Variants in TASL observed in about 807,000 individuals in gnomAD.
TASL encodes TLR adapter interacting with SLC15A4 on the lysosome.
In TASL, 6 loss-of-function variants were observed where a neutral mutation model predicts 12.9. The observed-to-expected ratio is 0.46, with a 90% CI of 0.25 to 0.92. The LOEUF (loss-of-function observed/expected upper bound fraction) is 0.92, where lower values mean the gene tolerates loss of function less well. TASL is among the 40% of genes least tolerant of loss of function. The pLI, the probability that TASL is intolerant of heterozygous loss-of-function variation, is 0.17. For synonymous variants in TASL, 85 were observed against 79.3 expected (o/e 1.07, Z -0.38); for missense variants, 165 against 212.8 (o/e 0.78, Z 1.40).
At chrX:30,576,569 G>GA (rs200475108) in intron 2 of TASL, among the ~76,000 whole-genome samples, 183 bp downstream of exon 2, 27 of 110,893 alleles carry the variant, frequency 2.4e-4, no homozygotes, top group African/African-American at 8.5e-4. Context: ...TTGGGAGGGG[G>GA]AAAAAACCAT....
chrX:30,571,270 G>GAAAGAAAGAAAGAA (rs1569306090), intron 2 of TASL, among the ~76,000 whole-genome samples: 2,479 of 48,453 alleles, frequency 0.051, 138 homozygotes, highest in East Asian at 0.16. Flanking sequence ...AAGAAAGAAA[G>GAAAGAAAGAAAGAA]AAAGAAAGAA....
At chrX:30,563,680 C>T (rs1255607138) in intron 2 of TASL, among the ~76,000 whole-genome samples, 1 of 111,510 alleles carries the variant, frequency 9.0e-6, no homozygotes, top group Non-Finnish European at 1.9e-5. Flanking sequence ...TAGGGAATAC[C>T]AGTTGAGGGT....
chrX:30,572,665 A>T (rs942705395), intron 2 of TASL, among the ~76,000 whole-genome samples: 17 of 112,323 alleles, frequency 1.5e-4, no homozygotes, highest in Admixed American at 1.5e-3. Context: ...GTGGAGTCAA[A>T]GAGAAAACCT....
At chrX:30,565,715 C>G (rs1313910911) in intron 2 of TASL, among the ~76,000 whole-genome samples, 1 of 112,156 alleles carries the variant, frequency 8.9e-6, no homozygotes, top group African/African-American at 3.2e-5. Context: ...AAGGTGATAA[C>G]ATAAAATTTT....
rs752806961 is a variant in TASL at position 30,560,360 on chromosome X, G to A, written c.-1-4C>T. 8.7e-7 allele frequency: 1 copy of A among 1,144,881 alleles called. No homozygotes were observed. The highest frequency in any genetic ancestry group is 1.2e-6 in the Non-Finnish European group (1 of 855,095). The allele number at this position is 1,144,881 out of a possible 1,213,427, so 94.4% of individuals were successfully genotyped here. ...GAGATACCCTTCTGACAGCATTCTGGAAAGAGAATTGATGAGTAAGAATGG... is the reference window on the plus strand; with the variant it reads ...GAGATACCCTTCTGACAGCATTCTGAAAAGAGAATTGATGAGTAAGAATGG... On this transcript the variant is annotated splice_polypyrimidine_tract_variant and splice_region_variant and intron_variant, in intron 2 of 2. Coordinates refer to ENST00000378962, the MANE Select transcript of TASL (RefSeq NM_025159.3).
intron 2 of TASL, among the ~76,000 whole-genome samples, chrX:30,571,635 AGG>A (rs754363953): frequency 2.4e-4 from 3 of 12,740 alleles, no homozygotes; most frequent in Non-Finnish European, 3.7e-4. Flanking sequence ...CTCAAAAAAA[AGG>A]GGGGGGGGGC....
chrX:30,564,554 C>T (rs932565634), intron 2 of TASL, among the ~76,000 whole-genome samples: 4 of 111,818 alleles, frequency 3.6e-5, no homozygotes, highest in African/African-American at 9.8e-5. Context: ...GACTTCTCAA[C>T]AGCAACATAA....
chrX:30,572,237 T>G lies in TASL; in HGVS notation c.-2+4515A>C, dbSNP rs187414000. On this transcript the variant is annotated intron_variant, in intron 2 of 2. Coordinates refer to ENST00000378962, the MANE Select transcript of TASL (RefSeq NM_025159.3). ...TGCAGTGCCTTGTTAAATCATTTAC[T>G]TGCTTTTCAGAAGAAACTGCAATGT... is the stretch of plus-strand genomic sequence containing the variant. Among the ~76,000 whole-genome samples, 26 of 112,169 alleles carry G rather than the reference T, an allele frequency of 2.3e-4. No individual in the cohort carries two copies. The South Asian group carries it at 2.5e-3, about 11-fold the overall frequency.
At chrX:30,577,231 T>C (rs964070958) in intron 1 of TASL, among the ~76,000 whole-genome samples, 5 of 112,435 alleles carry the variant, frequency 4.4e-5, no homozygotes, top group African/African-American at 1.3e-4. Flanking sequence ...TCAAGAGCTG[T>C]GTTGTCCCTG....
At chrX:30,574,064 C>T (rs148105506) in intron 2 of TASL, among the ~76,000 whole-genome samples, 2 of 111,725 alleles carry the variant, frequency 1.8e-5, no homozygotes, top group African/African-American at 6.5e-5. Flanking sequence ...CTCATCTCAT[C>T]TCTGCCTGTT....
intron 2 of TASL, among the ~76,000 whole-genome samples, chrX:30,563,503 G>C (rs1930458259): frequency 8.9e-6 from 1 of 111,882 alleles, no homozygotes; most frequent in Non-Finnish European, 1.9e-5. Context: ...TGAGAGTAAA[G>C]GGGATATACC....
chrX:30,564,314 G>C (rs1930467234), intron 2 of TASL, among the ~76,000 whole-genome samples: 1 of 111,520 alleles, frequency 9.0e-6, no homozygotes, highest in African/African-American at 3.3e-5. Context: ...CTGAATAATA[G>C]GAGGTTCAGA....
At chrX:30,574,899 C>A (rs953945860) in intron 2 of TASL, among the ~76,000 whole-genome samples, 1 of 111,851 alleles carries the variant, frequency 8.9e-6, no homozygotes, top group Non-Finnish European at 1.9e-5. Flanking sequence ...ATTACCAGAT[C>A]AAAGCTATTG....
chrX:30,563,143 GA>G (rs902597373), intron 2 of TASL, among the ~76,000 whole-genome samples: 5 of 111,386 alleles, frequency 4.5e-5, no homozygotes, highest in Non-Finnish European at 7.5e-5. Flanking sequence ...GGACCATGTG[GA>G]GATCATTGAA....
Position 30,560,052 on chromosome X carries a change from T to C in TASL, c.304A>G (p.Ile102Val). 8.3e-7 allele frequency: 1 copy of C among 1,211,770 alleles called. No homozygotes were observed. Among genetic ancestry groups the C allele is most frequent in the East Asian group, 3.0e-5 (1 of 33,858 alleles). Residue 102 changes from isoleucine (I) to valine (V), a missense_variant, in exon 3 of 3, where the codon ATA (isoleucine) becomes GTA (valine). Ile to Val is a conservative substitution (Grantham distance 29). Transcript: ENST00000378962. ...FESPNLAAVEICRDASRETYL... is the reference protein window; with the variant it reads ...FESPNLAAVEVCRDASRETYL... ...GTCTCTCTGCTGGCATCTCTACATA[T>C]TTCAACTGCAGCCAAGTTTGGGCTT...
intron 2 of TASL, among the ~76,000 whole-genome samples, chrX:30,572,905 T>A (rs185605722): frequency 9.0e-5 from 10 of 111,632 alleles, no homozygotes; most frequent in Admixed American, 8.6e-4. Context: ...GCCAATTTGG[T>A]CCTGGGCTGT....
intron 2 of TASL, among the ~76,000 whole-genome samples, chrX:30,570,764 C>A (rs1026018909): frequency 2.7e-5 from 3 of 112,150 alleles, no homozygotes; most frequent in Non-Finnish European, 5.6e-5. Context: ...TAAAGCTATG[C>A]AGAGTAATAA....
At chrX:30,563,880 G>T (rs908361619) in intron 2 of TASL, among the ~76,000 whole-genome samples, 1 of 111,597 alleles carries the variant, frequency 9.0e-6, no homozygotes, top group African/African-American at 3.3e-5. Context: ...TGACATCAGA[G>T]GTTCCCCAAC....
In TASL at chrX:30,559,584, T is replaced by C; in HGVS notation, c.772A>G (p.Arg258Gly). 8.3e-7 allele frequency: 1 copy of C among 1,210,996 alleles called. No homozygotes were observed. Among genetic ancestry groups the C allele is most frequent in the Non-Finnish European group, 1.1e-6 (1 of 894,814 alleles). Residue 258 changes from arginine to glycine, a missense_variant, in exon 3 of 3, where the codon AGA (arginine) becomes GGA (glycine). Transcript: ENST00000378962. ...SVDQISLQVS[R>G]EKNLETSKAR... ...TTTGAGGTCTCCAGATTCTTCTCTCTAGACACTTGAAGACTGATTTGGTCT... is the reference window on the plus strand; with the variant it reads ...TTTGAGGTCTCCAGATTCTTCTCTCCAGACACTTGAAGACTGATTTGGTCT...
Sources: gnomAD v4.1 joint callset for allele counts (sites outside exome capture counted in the v4.1 genomes callset) on GRCh38, gnomAD v4.1.1 for gene constraint, MANE v1.5 for transcripts, NCBI Gene and HGNC (gene_info 2026-07-23, HGNC 2026-07-21) for gene names.